PARN: variants seen among roughly 807,000 people sequenced by gnomAD.
The protein encoded by PARN is poly(A)-specific ribonuclease.
PARN carries 71 observed loss-of-function variants against 102.8 expected under a neutral mutation model. That is an observed-to-expected ratio of 0.69 (90% CI 0.57 to 0.84). The LOEUF is 0.84. Among genes scored for constraint, PARN ranks in the 40% least tolerant of loss-of-function variants. The probability of loss-of-function intolerance (pLI) is 0.00; values close to 1 mark genes in which losing one functional copy is unlikely to be tolerated. For missense variants in PARN, 782 were observed against 760.9 expected (o/e 1.03, Z -0.33); for synonymous variants, 261 against 252.9 (o/e 1.03, Z -0.30).
At chr16:14,521,723 A>G (rs1965741784) in intron 21 of PARN, among the ~76,000 whole-genome samples, 1 of 150,998 alleles carries the variant, frequency 6.6e-6, no homozygotes, top group South Asian at 2.1e-4. Flanking sequence ...AATTGCTTGA[A>G]CCCGAGAAGT....
At position 14,455,198 on chromosome 16, in the gene PARN, T is replaced by C. The variant is rs28373023; in HGVS notation, c.1671-8117A>G. Among the ~76,000 whole-genome samples the C allele has an allele frequency of 8.2e-3, 1,251 of 152,346 alleles. 21 individuals carry two copies. The highest frequency in any genetic ancestry group is 0.028 in the African/African-American group (1,180 of 41,594). ...AGCTTCTTTCATTTTATGCTGAACATTGGTCAAGAGTTGGTCAAACTCTTC... is the reference window on the plus strand; with the variant it reads ...AGCTTCTTTCATTTTATGCTGAACACTGGTCAAGAGTTGGTCAAACTCTTC... On this transcript the variant is annotated intron_variant, in intron 22 of 23. Coordinates refer to ENST00000437198, the MANE Select transcript of PARN (RefSeq NM_002582.4).
chr16:14,456,544 A>G (rs1342058648), intron 22 of PARN, among the ~76,000 whole-genome samples: 1 of 152,166 alleles, frequency 6.6e-6, no homozygotes, highest in Admixed American at 6.5e-5. Context: ...TGTATAAAAT[A>G]ACAGTACCCT....
At chr16:14,611,526 G>A (rs1254832696) in intron 6 of PARN, among the ~76,000 whole-genome samples, 2 of 152,072 alleles carry the variant, frequency 1.3e-5, no homozygotes, top group Non-Finnish European at 2.9e-5. Flanking sequence ...TCAGATCAGA[G>A]GTCAGCAAAC....
chr16:14,568,162 T>C (rs190009409), intron 18 of PARN, among the ~76,000 whole-genome samples: 1 of 151,876 alleles, frequency 6.6e-6, no homozygotes, highest in African/African-American at 2.4e-5. Context: ...CCAGTCTGGG[T>C]GACAGGGCGC....
At chr16:14,533,412 G>A (rs865991475) in intron 21 of PARN, among the ~76,000 whole-genome samples, 1 of 125,706 alleles carries the variant, frequency 8.0e-6, no homozygotes, top group Middle Eastern at 4.9e-3. Context: ...GAGGGAGACC[G>A]TGGGGAGACG....
At chr16:14,461,226 T>C (rs1961948927) in intron 22 of PARN, among the ~76,000 whole-genome samples, 1 of 152,148 alleles carries the variant, frequency 6.6e-6, no homozygotes, top group Non-Finnish European at 1.5e-5. Context: ...CCTATGGAGA[T>C]ATGATGGCCA....
intron 21 of PARN, among the ~76,000 whole-genome samples, chr16:14,525,780 T>C (rs747087962): frequency 2.6e-5 from 4 of 152,160 alleles, no homozygotes; most frequent in African/African-American, 7.2e-5. Context: ...AAAAGAAAGA[T>C]TGCCTAATAG....
intron 13 of PARN, 34 bp downstream of exon 13, chr16:14,593,264 CCTG>C (rs1360175278): frequency 1.9e-6 from 2 of 1,078,458 alleles, no homozygotes; most frequent in East Asian, 2.4e-5. Flanking sequence ...TAAAAAGAAT[CCTG>C]CTAATATTAA....
At chr16:14,521,758 C>T (rs925502770) in intron 21 of PARN, among the ~76,000 whole-genome samples, 5 of 151,390 alleles carry the variant, frequency 3.3e-5, no homozygotes, top group African/African-American at 4.9e-5. Context: ...ACCAAGATTG[C>T]GCCATTGCAC....
intron 21 of PARN, among the ~76,000 whole-genome samples, chr16:14,548,155 G>A (rs1281686095): frequency 6.6e-6 from 1 of 151,964 alleles, no homozygotes; most frequent in African/African-American, 2.4e-5. Flanking sequence ...GGCTGAGGCA[G>A]GAGACTCGCT....
Position 14,436,689 on chromosome 16 carries a change from C to T in PARN, c.*28G>A, listed in dbSNP as rs759097365. ...CCGGCTCTTGCTCACAGCGACAGCACCAGCGGTTTGCTGCCCTCAGGTCTT... is the reference window on the plus strand; with the variant it reads ...CCGGCTCTTGCTCACAGCGACAGCATCAGCGGTTTGCTGCCCTCAGGTCTT... On this transcript the variant is annotated 3_prime_UTR_variant, in exon 24 of 24. Coordinates refer to ENST00000437198, the MANE Select transcript of PARN (RefSeq NM_002582.4). 1.9e-6 allele frequency: 3 copies of T among 1,556,484 alleles called. No homozygotes were observed. Among genetic ancestry groups the T allele is most frequent in the East Asian group, 4.6e-5 (2 of 43,692 alleles).
intron 21 of PARN, among the ~76,000 whole-genome samples, chr16:14,546,037 G>C (rs1966917061): frequency 6.6e-6 from 1 of 152,228 alleles, no homozygotes; most frequent in Non-Finnish European, 1.5e-5. Flanking sequence ...AAGCGTTCTT[G>C]AGAGAGATCA....
At chr16:14,457,795 C>T (rs1421113736) in intron 22 of PARN, among the ~76,000 whole-genome samples, 11 of 66,602 alleles carry the variant, frequency 1.7e-4, no homozygotes, top group African/African-American at 5.9e-4. Context: ...GAGACTCTGT[C>T]TCAAAAAAAA....
chr16:14,621,797 G>T (rs917395283), intron 5 of PARN, among the ~76,000 whole-genome samples: 1 of 142,276 alleles, frequency 7.0e-6, no homozygotes, highest in Non-Finnish European at 1.5e-5. Context: ...GGCGACAGGG[G>T]CTTCGTCTCA....
intron 21 of PARN, among the ~76,000 whole-genome samples, chr16:14,529,188 G>C (rs993391972): frequency 6.6e-6 from 1 of 152,168 alleles, no homozygotes; most frequent in Non-Finnish European, 1.5e-5. Context: ...CACAACTACA[G>C]GAGAGGTACG....
chr16:14,478,556 C>T (rs1052464846), intron 22 of PARN, among the ~76,000 whole-genome samples: 1 of 152,144 alleles, frequency 6.6e-6, no homozygotes, highest in Non-Finnish European at 1.5e-5. Flanking sequence ...TATCCACTCT[C>T]TCTATTTCTA....
intron 21 of PARN, among the ~76,000 whole-genome samples, chr16:14,494,383 G>A (rs1307746153): frequency 1.3e-5 from 2 of 152,212 alleles, no homozygotes; most frequent in Non-Finnish European, 2.9e-5. Context: ...GTTAGAAAAG[G>A]AGCTTGCTCT....
intron 6 of PARN, among the ~76,000 whole-genome samples, 183 bp downstream of exon 6, chr16:14,617,407 A>G (rs1054739539): frequency 1.3e-5 from 2 of 149,416 alleles, no homozygotes; most frequent in East Asian, 3.9e-4. Flanking sequence ...AAAAAAAATC[A>G]CAGTAAGCAA....
chr16:14,625,823 A>C (rs925707947), intron 5 of PARN, among the ~76,000 whole-genome samples: 4 of 152,220 alleles, frequency 2.6e-5, no homozygotes, highest in Admixed American at 2.0e-4. Context: ...AGATGGCAAG[A>C]CTCAAATGAA....
Sources: gnomAD v4.1 joint callset for allele counts (sites outside exome capture counted in the v4.1 genomes callset) on GRCh38, gnomAD v4.1.1 for gene constraint, MANE v1.5 for transcripts, NCBI Gene and HGNC (gene_info 2026-07-23, HGNC 2026-07-21) for gene names.